The following BCAS4 variants were observed in gnomAD, a reference collection of about 807,000 sequenced individuals.
BCAS4 encodes the protein breast carcinoma-amplified sequence 4.
In BCAS4, 9 loss-of-function variants were observed where a neutral mutation model predicts 15.7. The observed-to-expected ratio is 0.57, with a 90% confidence interval of 0.34 to 1.00. The LOEUF (loss-of-function observed/expected upper bound fraction) is 1.00. Ranked by LOEUF, BCAS4 falls within the 50% of genes least tolerant of loss-of-function variation. The probability of loss-of-function intolerance (pLI) is 0.02; values close to 1 mark genes in which losing one functional copy is unlikely to be tolerated. For missense variants in BCAS4, 225 were observed against 239.1 expected (o/e 0.94, Z 0.39); for synonymous variants, 101 against 99.5 (o/e 1.02, Z -0.09).
chr20:50,866,603 C>A (rs1448793344), intron 4 of BCAS4, among the ~76,000 whole-genome samples: 1 of 152,208 alleles, frequency 6.6e-6, no homozygotes, highest in Non-Finnish European at 1.5e-5. Flanking sequence ...CCAAAGGTGA[C>A]CCGTTTGTGC....
chr20:50,806,388 T>C (rs1224781832), intron 1 of BCAS4, among the ~76,000 whole-genome samples: 2 of 152,218 alleles, frequency 1.3e-5, no homozygotes, highest in East Asian at 3.8e-4. Context: ...CCCTTTCATC[T>C]TCCTTTCTTT....
chr20:50,815,320 G>A (rs1472589217), intron 1 of BCAS4, among the ~76,000 whole-genome samples: 1 of 152,160 alleles, frequency 6.6e-6, no homozygotes, highest in African/African-American at 2.4e-5. Flanking sequence ...GGGCTTCCGT[G>A]GCCTCCCATG....
chr20:50,846,288 T>G (rs910955794), intron 4 of BCAS4, among the ~76,000 whole-genome samples: 2 of 152,178 alleles, frequency 1.3e-5, no homozygotes, highest in African/African-American at 2.4e-5. Flanking sequence ...CTAAGCCCCT[T>G]CTGTGACATG....
intron 2 of BCAS4, among the ~76,000 whole-genome samples, chr20:50,822,738 C>T (rs141506543): frequency 0.012 from 1,813 of 151,276 alleles, 38 homozygotes; most frequent in African/African-American, 0.042. Flanking sequence ...TGGGTTCAAG[C>T]GATTCTCGTG....
chr20:50,866,901 A>T (rs983740575), intron 4 of BCAS4, among the ~76,000 whole-genome samples: 1 of 152,106 alleles, frequency 6.6e-6, no homozygotes, highest in Non-Finnish European at 1.5e-5. Flanking sequence ...CGCTGTGAGG[A>T]TGAATGCTCT....
In BCAS4 at chr20:50,841,752, T is replaced by C. The variant is rs1162535790; in HGVS notation, c.265-14T>C. On this transcript the variant is annotated splice_polypyrimidine_tract_variant and intron_variant, in intron 3 of 4. Transcript: ENST00000371608. ...TGCACAGATGCGGCATCATGGCTTC[T>C]CCGTGTCCCTCAGGCCTTCGTCAAG... 8 of 1,613,820 alleles carry C rather than the reference T, an allele frequency of 5.0e-6. No individual in the cohort carries two copies. The highest frequency in any genetic ancestry group is 6.8e-6 in the Non-Finnish European group (8 of 1,180,006).
chr20:50,834,887 T>C lies in BCAS4; in HGVS notation c.264+4507T>C, dbSNP rs150948252. Among the ~76,000 whole-genome samples the C allele has an allele frequency of 6.2e-3, 948 of 152,324 alleles. 7 individuals carry two copies. The highest frequency in any genetic ancestry group is 0.021 in the African/African-American group (879 of 41,570). ...CTATGTTGTAGCATGTGCCAAGACC[T>C]CATTCCTTCTGTGGTTGAGTCATCT... On this transcript the variant is annotated intron_variant, in intron 3 of 4. Transcript: ENST00000371608.
In BCAS4 at chr20:50,819,072, A is replaced by G. The variant is rs183244125; in HGVS notation, c.162+790A>G. Among the ~76,000 whole-genome samples the G allele has an allele frequency of 4.6e-4, 70 of 152,064 alleles. 1 individual carries two copies. In the East Asian group the frequency reaches 9.3e-3, roughly 20 times the overall value. ...GTGGCAGGCGCCTGTAATCTTAGCTACTCAGGAGGCTGAGGCAGGAGAATT... is the reference window on the plus strand; with the variant it reads ...GTGGCAGGCGCCTGTAATCTTAGCTGCTCAGGAGGCTGAGGCAGGAGAATT... On this transcript the variant is annotated intron_variant, in intron 2 of 4. Transcript: ENST00000371608.
In BCAS4 at chr20:50,876,727, C is replaced by T. The variant is rs1027041748; in HGVS notation, c.*119C>T. 63 of 1,244,898 alleles carry T rather than the reference C, an allele frequency of 5.1e-5. No individual in the cohort carries two copies. Among genetic ancestry groups the T allele is most frequent in the Non-Finnish European group, 6.4e-5 (61 of 951,374 alleles). The allele number at this position is 1,244,898 out of a possible 1,614,324, so 77.1% of individuals were successfully genotyped here. The stretch of plus-strand genomic sequence containing the variant: ...ATTTTAAAAATATTTAAAAAAATGT[C>T]GAGATGGGGTCTCACTATGTTGTCC... On this transcript the variant is annotated 3_prime_UTR_variant, in exon 5 of 5. Coordinates refer to ENST00000371608, the MANE Select transcript of BCAS4 (RefSeq NM_198799.4).
chr20:50,819,831 C>T (rs554523854), intron 2 of BCAS4, among the ~76,000 whole-genome samples: 8 of 151,806 alleles, frequency 5.3e-5, no homozygotes, highest in African/African-American at 7.2e-5. Flanking sequence ...TCTTTCCCTC[C>T]GTCCCTCCCT....
rs950827305 is a variant in BCAS4 at position 50,826,508 on chromosome 20, A to T, written c.163-3771A>T. Among the ~76,000 whole-genome samples the T allele has an allele frequency of 2.0e-5, 3 of 152,344 alleles. No homozygotes were observed. The East Asian group carries it at 5.8e-4, about 29-fold the overall frequency. On this transcript the variant is annotated intron_variant, in intron 2 of 4. Transcript: ENST00000371608. ...TATTTTTTATTTTGGAATAGTTTAG[A>T]TTTACAGGAAAATTGCAAAGATTGT...
chr20:50,850,397 C>T (rs1978344188), intron 4 of BCAS4, among the ~76,000 whole-genome samples: 1 of 152,188 alleles, frequency 6.6e-6, no homozygotes, highest in Admixed American at 6.5e-5. Context: ...TGTGTCTCTA[C>T]CTCCCTCTGT....
At chr20:50,840,849 G>T in intron 3 of BCAS4, 1 of 913,656 alleles carries the variant, frequency 1.1e-6, no homozygotes, top group Non-Finnish European at 1.8e-6. Flanking sequence ...ATTTTTTTGA[G>T]ACGGAGTTTC....
At position 50,851,791 on chromosome 20, in the gene BCAS4, T is replaced by C. The variant is rs772699122; in HGVS notation, c.399+9891T>C. 1.3e-5 allele frequency among the ~76,000 whole-genome samples: 2 copies of C among 152,210 alleles called. No individual in the cohort carries two copies. The highest frequency in any genetic ancestry group is 2.9e-5 in the Non-Finnish European group (2 of 68,026). ...GCTCCCCACCTGGCAATGTTCATTA[T>C]TGTTCAAAGCCCCAGTCACACGGTC... On this transcript the variant is annotated intron_variant, in intron 4 of 4. Coordinates refer to ENST00000371608, the MANE Select transcript of BCAS4 (RefSeq NM_198799.4). This position sits in a 1 kb window ranked among gnomAD's most constrained non-coding sequence, Gnocchi z 4.3.
chr20:50,813,849 AC>A (rs1319798410), intron 1 of BCAS4, among the ~76,000 whole-genome samples: 1 of 150,036 alleles, frequency 6.7e-6, no homozygotes, highest in Non-Finnish European at 1.5e-5. Flanking sequence ...AAAAAAAAAA[AC>A]CCACTCACCA....
intron 3 of BCAS4, 32 bp downstream of exon 3, chr20:50,830,412 G>A (rs1381325837): frequency 1.3e-6 from 2 of 1,568,316 alleles, no homozygotes; most frequent in East Asian, 2.3e-5. Flanking sequence ...TTCTGAGGCT[G>A]TGGACTTGAT....
chr20:50,871,731 T>TG (rs1979656435), intron 4 of BCAS4, among the ~76,000 whole-genome samples: 1 of 152,192 alleles, frequency 6.6e-6, no homozygotes, highest in East Asian at 1.9e-4. Context: ...GGGCCCCTGG[T>TG]GGGGTGGCAG....
rs2088165027 is a variant in BCAS4, at chr20:50,818,238, G to GGCAT, written c.121_124dup (p.Leu42HisfsTer13). 5.0e-6 allele frequency: 8 copies of GGCAT among 1,614,094 alleles called. No homozygotes were observed. The highest frequency in any genetic ancestry group is 6.8e-6 in the Non-Finnish European group (8 of 1,180,016). On this transcript the variant is annotated frameshift_variant, in exon 2 of 5. Transcript: ENST00000371608. LOFTEE classifies it high-confidence loss of function. ...GAAGGAGGTGGAGGAGACCATCGAG[G>GGCAT]GCATGCTCCTCAGGCTGGAAGAGTT...
chr20:50,864,963 C>T (rs1291365305), intron 4 of BCAS4, among the ~76,000 whole-genome samples: 1 of 151,884 alleles, frequency 6.6e-6, no homozygotes, highest in Non-Finnish European at 1.5e-5. Context: ...CATGGTGGCG[C>T]ATGCCTGTAA....
Sources: allele counts gnomAD v4.1 joint callset (sites outside exome capture counted in the v4.1 genomes callset), GRCh38; gene constraint gnomAD v4.1.1; non-coding constraint Gnocchi (gnomAD v3.1); transcripts MANE v1.5; gene names NCBI Gene and HGNC (gene_info 2026-07-23, HGNC 2026-07-21).